The following MEI4 variants were observed in gnomAD, a reference collection of about 807,000 sequenced individuals.
The protein encoded by MEI4 is meiotic double-stranded break formation protein 4, also known as meiosis-specific protein MEI4.
MEI4 carries 27 observed loss-of-function variants against 31.4 expected under a neutral mutation model. The ratio of observed to expected loss-of-function variants is 0.86; its 90% CI spans 0.63 to 1.19. The LOEUF (loss-of-function observed/expected upper bound fraction) is 1.19, where lower values mean the gene tolerates loss of function less well. Among genes scored for constraint, MEI4 ranks in the 50% most tolerant of loss-of-function variants. The pLI is 0.00. For synonymous variants in MEI4, 122 were observed against 145.4 expected, an observed-to-expected ratio of 0.84 and a Z score of 1.16; for missense variants, 329 against 398.9, an observed-to-expected ratio of 0.82 and a Z score of 1.49.
At chr6:77,803,427 T>A (rs1769331627) in intron 3 of MEI4, among the ~76,000 whole-genome samples, 1 of 152,148 alleles carries the variant, frequency 6.6e-6, no homozygotes, top group African/African-American at 2.4e-5. Context: ...ACTTCCTCCT[T>A]TAGCTCAGAG....
rs188143755 is a variant in MEI4 at position 77,729,640 on chromosome 6, G to T, written c.233-31490G>T. 2.0e-4 allele frequency among the ~76,000 whole-genome samples: 30 copies of T among 152,274 alleles called. No individual in the cohort carries two copies. In the East Asian group the frequency reaches 4.6e-3, roughly 24 times the overall value. On this transcript the variant is annotated intron_variant, in intron 2 of 4. Coordinates refer to ENST00000684080, the MANE Select transcript of MEI4 (RefSeq NM_001322247.2). Reference sequence around the variant, plus strand: ...GAAAAGAGCAAAGCAGTACTTTACAGACTTCTTCAATTAATCACCCCCTTT... The same window carrying T: ...GAAAAGAGCAAAGCAGTACTTTACATACTTCTTCAATTAATCACCCCCTTT...
chr6:77,917,442 GA>G (rs1251353125), intron 4 of MEI4, among the ~76,000 whole-genome samples: 1 of 150,428 alleles, frequency 6.6e-6, no homozygotes, highest in Non-Finnish European at 1.5e-5. Flanking sequence ...GTTGTTTCCT[GA>G]CTTTTTAATG....
intron 3 of MEI4, among the ~76,000 whole-genome samples, chr6:77,788,233 G>A (rs1367483151): frequency 2.6e-5 from 4 of 152,130 alleles, no homozygotes; most frequent in Non-Finnish European, 4.4e-5. Flanking sequence ...CAATAAATTA[G>A]GTATTGATGG....
intron 3 of MEI4, among the ~76,000 whole-genome samples, chr6:77,765,281 A>G (rs1259976368): frequency 6.7e-6 from 1 of 149,624 alleles, no homozygotes; most frequent in East Asian, 1.9e-4. Flanking sequence ...TATGCCCAAG[A>G]CAATGTTGAG....
intron 2 of MEI4, among the ~76,000 whole-genome samples, chr6:77,741,784 A>C (rs1483880569): frequency 1.9e-4 from 16 of 82,800 alleles, no homozygotes; most frequent in African/African-American, 6.4e-4. Context: ...CCCACCCCAC[A>C]ACAGTCCCCA....
At chr6:77,687,006 A>T (rs1769070460) in intron 1 of MEI4, among the ~76,000 whole-genome samples, 1 of 152,048 alleles carries the variant, frequency 6.6e-6, no homozygotes, top group Non-Finnish European at 1.5e-5. Flanking sequence ...AAGTTCAATA[A>T]GGAAAAATTA....
rs115117456 is a variant in MEI4 at position 77,785,227 on chromosome 6, G to A, written c.768+23562G>A. ...GTTTTTGGAGGCACTTTGTAAATTT[G>A]TAAAACTTTATGCAAATACTATTAT... On this transcript the variant is annotated intron_variant, in intron 3 of 4. Coordinates refer to ENST00000684080, the MANE Select transcript of MEI4 (RefSeq NM_001322247.2). 6.7e-3 allele frequency among the ~76,000 whole-genome samples: 1,026 copies of A among 152,218 alleles called. 9 individuals are homozygous for A. Among genetic ancestry groups the A allele is most frequent in the African/African-American group, 0.023 (938 of 41,550 alleles).
intron 4 of MEI4, among the ~76,000 whole-genome samples, chr6:77,852,873 A>G (rs1770661472): frequency 6.6e-6 from 1 of 152,124 alleles, no homozygotes; most frequent in Non-Finnish European, 1.5e-5. Flanking sequence ...CCATAAAACT[A>G]TGTATAGGAA....
rs185011162 is a variant in MEI4, at chr6:77,907,911, G to T, written c.901-15178G>T. On this transcript the variant is annotated intron_variant, in intron 4 of 4. Coordinates refer to ENST00000684080, the MANE Select transcript of MEI4 (RefSeq NM_001322247.2). ...TCTCTGATGGCCAGTGATGACGAGC[G>T]TGTTTTCATTTGTCTTTTGGCTGCA... Among the ~76,000 whole-genome samples, 790 of 151,650 alleles carry T rather than the reference G, an allele frequency of 5.2e-3. 8 individuals are homozygous for T. Among genetic ancestry groups the T allele is most frequent in the African/African-American group, 0.019 (771 of 41,334 alleles).
intron 2 of MEI4, among the ~76,000 whole-genome samples, chr6:77,718,972 A>T (rs1315844535): frequency 7.4e-6 from 1 of 135,136 alleles, no homozygotes; most frequent in Non-Finnish European, 1.6e-5. Flanking sequence ...CAGAAACAGG[A>T]CTTATTATTT....
intron 1 of MEI4, among the ~76,000 whole-genome samples, chr6:77,658,197 G>A (rs933472175): frequency 6.6e-6 from 1 of 152,152 alleles, no homozygotes; most frequent in Non-Finnish European, 1.5e-5. Context: ...AATGTTTTGC[G>A]GGCAGGGGGT....
chr6:77,797,593 G>T (rs185317458), intron 3 of MEI4, among the ~76,000 whole-genome samples: 15 of 152,204 alleles, frequency 9.9e-5, no homozygotes, highest in African/African-American at 3.6e-4. Context: ...AGATCCCCCG[G>T]CAAACCACTG....
chr6:77,837,655 A>G (rs149677508), intron 4 of MEI4, among the ~76,000 whole-genome samples: 1 of 152,280 alleles, frequency 6.6e-6, no homozygotes, highest in East Asian at 1.9e-4. Flanking sequence ...AAAGCATTCA[A>G]TATTTACTAT....
intron 4 of MEI4, among the ~76,000 whole-genome samples, chr6:77,863,802 A>G: frequency 6.6e-6 from 1 of 152,210 alleles, no homozygotes; most frequent in African/African-American, 2.4e-5. Context: ...GTTGAAATGA[A>G]GGCAAAAATG....
chr6:77,814,516 C>T (rs1769646472), intron 3 of MEI4, among the ~76,000 whole-genome samples: 2 of 152,026 alleles, frequency 1.3e-5, no homozygotes, highest in Non-Finnish European at 2.9e-5. Context: ...TATGTAAACA[C>T]TTGGAAGGAA....
intron 1 of MEI4, among the ~76,000 whole-genome samples, chr6:77,674,630 A>AT (rs5877564): frequency 0.8 from 121,262 of 152,002 alleles, 48,886 homozygotes; most frequent in African/African-American, 0.92. Context: ...ACTTTCTATG[A>AT]GTTGGCATAA....
At chr6:77,921,265 C>CT (rs886139928) in intron 4 of MEI4, among the ~76,000 whole-genome samples, 2 of 151,826 alleles carry the variant, frequency 1.3e-5, no homozygotes, top group African/African-American at 2.4e-5. Context: ...ATAAAGGTGG[C>CT]TTCTTCCCTA....
intron 4 of MEI4, among the ~76,000 whole-genome samples, chr6:77,854,980 G>A (rs1320295253): frequency 6.6e-6 from 1 of 150,890 alleles, no homozygotes; most frequent in African/African-American, 2.4e-5. Flanking sequence ...AGACATTGTG[G>A]GGGGTGGGAG....
intron 4 of MEI4, among the ~76,000 whole-genome samples, chr6:77,874,114 T>G (rs548315536): frequency 2.0e-5 from 3 of 152,208 alleles, no homozygotes; most frequent in African/African-American, 7.2e-5. Flanking sequence ...ATATGAACTT[T>G]AAAGTAGTTT....
Sources: allele counts gnomAD v4.1 joint callset (sites outside exome capture counted in the v4.1 genomes callset), GRCh38; gene constraint gnomAD v4.1.1; transcripts MANE v1.5; gene names NCBI Gene and HGNC (gene_info 2026-07-23, HGNC 2026-07-21).